Variants in SNTB1 observed in about 807,000 individuals in gnomAD.
SNTB1 encodes the protein beta-1-syntrophin.
In SNTB1, 36 loss-of-function variants were observed where a neutral mutation model predicts 48.9. That is an observed-to-expected ratio of 0.74 (90% CI 0.56 to 0.97). SNTB1 has a LOEUF of 0.97. SNTB1 is among the 50% of genes least tolerant of loss of function. SNTB1 has a pLI of 0.00. For synonymous variants in SNTB1, 299 were observed against 294.6 expected (o/e 1.01, Z -0.15); for missense variants, 786 against 703.4 (o/e 1.12, Z -1.33).
In SNTB1 at chr8:120,707,965, C is replaced by A. The variant is rs201071014; in HGVS notation, c.572-14057G>T. On this transcript the variant is annotated intron_variant, in intron 1 of 6. Coordinates refer to ENST00000517992, the MANE Select transcript of SNTB1 (RefSeq NM_021021.4). ...GAATTGATGTTATCAAAATATTCCA[C>A]ATGTGCCATAAGAAAAAATCTAAAG... Among the ~76,000 whole-genome samples, 15 of 152,052 alleles carry A rather than the reference C, an allele frequency of 9.9e-5. No homozygotes were observed. The East Asian group carries it at 2.9e-3, about 29-fold the overall frequency.
intron 1 of SNTB1, among the ~76,000 whole-genome samples, chr8:120,694,558 T>C (rs557039846): frequency 7.3e-5 from 11 of 151,454 alleles, no homozygotes; most frequent in Non-Finnish European, 1.0e-4. Flanking sequence ...ATTCTTAATA[T>C]ATATCATTAA....
Position 120,538,780 on chromosome 8 carries a change from T to C in SNTB1, c.*97A>G. On this transcript the variant is annotated 3_prime_UTR_variant, in exon 7 of 7. Transcript: ENST00000517992. ...AGAGCTAAAGCTGACTGTAGCACGC[T>C]ACATCTGGTGCGCTGCTCACTACAG... is the stretch of plus-strand genomic sequence containing the variant. 2.0e-6 allele frequency: 2 copies of C among 997,976 alleles called. No homozygotes were observed. The highest frequency in any genetic ancestry group is 1.6e-6 in the Non-Finnish European group (1 of 620,532). The allele number at this position is 997,976 out of a possible 1,614,324, so 61.8% of individuals were successfully genotyped here. A position where few individuals can be genotyped will look rare whatever the true frequency, so the allele number is the denominator to read the frequency against.
chr8:120,716,376 T>A (rs1041605013), intron 1 of SNTB1, among the ~76,000 whole-genome samples: 1 of 152,232 alleles, frequency 6.6e-6, no homozygotes, highest in African/African-American at 2.4e-5. Context: ...ATTCACATAA[T>A]AAAATGTTAT....
chr8:120,734,013 C>A (rs1284172977), intron 1 of SNTB1, among the ~76,000 whole-genome samples: 1 of 152,104 alleles, frequency 6.6e-6, no homozygotes, highest in Non-Finnish European at 1.5e-5. Flanking sequence ...TAAATAAGAT[C>A]AACAAATGTA....
intron 1 of SNTB1, among the ~76,000 whole-genome samples, chr8:120,704,700 G>A (rs544414280): frequency 2.0e-5 from 3 of 152,218 alleles, no homozygotes; most frequent in African/African-American, 7.2e-5. Flanking sequence ...TACATAATAG[G>A]TGTTGGTTTT....
intron 3 of SNTB1, 110 bp from the exon 4 acceptor site, chr8:120,575,335 G>A (rs1356572302): frequency 7.9e-7 from 1 of 1,263,386 alleles, no homozygotes; most frequent in African/African-American, 1.5e-5. Flanking sequence ...GTGTCTTTTG[G>A]TTTGGTTGCA....
intron 2 of SNTB1, among the ~76,000 whole-genome samples, chr8:120,653,907 T>TG (rs1817450581): frequency 6.6e-6 from 1 of 150,636 alleles, no homozygotes; most frequent in Non-Finnish European, 1.5e-5. Context: ...GGCATTGTGG[T>TG]GGGTGCCTGT....
At chr8:120,751,482 T>G (rs563382347) in intron 1 of SNTB1, among the ~76,000 whole-genome samples, 233 of 152,248 alleles carry the variant, frequency 1.5e-3, no homozygotes, top group African/African-American at 5.1e-3. Flanking sequence ...TACTTTTTTT[T>G]TGTGCAAGAA....
chr8:120,616,552 A>G (rs1002281118), intron 3 of SNTB1, among the ~76,000 whole-genome samples: 4 of 151,696 alleles, frequency 2.6e-5, no homozygotes, highest in Non-Finnish European at 5.9e-5. Context: ...CCTGGCCTCA[A>G]GTGACCCTCT....
intron 4 of SNTB1, among the ~76,000 whole-genome samples, chr8:120,551,908 C>T (rs1031564916): frequency 6.6e-6 from 1 of 152,020 alleles, no homozygotes; most frequent in South Asian, 2.1e-4. Flanking sequence ...GTAAAATATA[C>T]AGAGCACTTT....
intron 2 of SNTB1, among the ~76,000 whole-genome samples, chr8:120,634,587 C>T (rs1817042262): frequency 6.6e-6 from 1 of 152,132 alleles, no homozygotes; most frequent in African/African-American, 2.4e-5. Context: ...GGGGCACTCA[C>T]TGTCTCCTGC....
At chr8:120,726,377 G>T (rs188451232) in intron 1 of SNTB1, among the ~76,000 whole-genome samples, 2 of 152,016 alleles carry the variant, frequency 1.3e-5, no homozygotes, top group East Asian at 3.9e-4. Flanking sequence ...CTCCACAAAA[G>T]AACCGCCTAT....
At chr8:120,614,259 A>G (rs370106768) in intron 3 of SNTB1, among the ~76,000 whole-genome samples, 2 of 152,334 alleles carry the variant, frequency 1.3e-5, no homozygotes, top group East Asian at 3.9e-4. Flanking sequence ...ACCCTGTCCA[A>G]AGTAAAACAG....
At chr8:120,768,298 G>A (rs1172828278) in intron 1 of SNTB1, among the ~76,000 whole-genome samples, 1 of 152,168 alleles carries the variant, frequency 6.6e-6, no homozygotes, top group Admixed American at 6.5e-5. Context: ...CCATGTGCGA[G>A]TACCCTACAG....
chr8:120,657,070 A>G (rs1251055759), intron 2 of SNTB1, among the ~76,000 whole-genome samples: 2 of 152,162 alleles, frequency 1.3e-5, no homozygotes, highest in Non-Finnish European at 2.9e-5. Flanking sequence ...AAATATCTCC[A>G]TTTTCATTTG....
chr8:120,668,918 C>G (rs917990516), intron 2 of SNTB1, among the ~76,000 whole-genome samples: 5 of 152,108 alleles, frequency 3.3e-5, no homozygotes, highest in African/African-American at 1.2e-4. Flanking sequence ...TTCCCATAAC[C>G]ATAATAGAAA....
At chr8:120,637,268 A>G in intron 2 of SNTB1, 1 of 345,510 alleles carries the variant, frequency 2.9e-6, no homozygotes, top group South Asian at 3.5e-5. Flanking sequence ...GCTGCTGACC[A>G]AAAGCCCAGA....
At chr8:120,639,697 G>A (rs940940811) in intron 2 of SNTB1, among the ~76,000 whole-genome samples, 1 of 152,056 alleles carries the variant, frequency 6.6e-6, no homozygotes, top group African/African-American at 2.4e-5. Context: ...GTAGATGTGT[G>A]GTATTATTTC....
intron 3 of SNTB1, among the ~76,000 whole-genome samples, chr8:120,609,694 C>A (rs967526004): frequency 3.9e-5 from 6 of 152,116 alleles, no homozygotes; most frequent in African/African-American, 9.7e-5. Flanking sequence ...TTTAAAAAAA[C>A]CAACAAAAAC....
Sources: allele counts gnomAD v4.1 joint callset (sites outside exome capture counted in the v4.1 genomes callset), GRCh38; gene constraint gnomAD v4.1.1; transcripts MANE v1.5; gene names NCBI Gene and HGNC (gene_info 2026-07-23, HGNC 2026-07-21).